The following FAM228B variants were observed in gnomAD, a reference collection of about 807,000 sequenced individuals.
FAM228B encodes the protein protein FAM228B.
FAM228B carries 38 observed loss-of-function variants against 42.6 expected under a neutral mutation model. That is an observed-to-expected ratio of 0.89 (90% CI 0.69 to 1.17). FAM228B has a LOEUF of 1.17. FAM228B is among the 50% of genes most tolerant of loss of function. FAM228B has a pLI of 0.00. For missense variants in FAM228B, 344 were observed against 367.3 expected (o/e 0.94, Z 0.52); for synonymous variants, 109 against 122.3 (o/e 0.89, Z 0.72).
At position 24,166,054 on chromosome 2, in the gene FAM228B, A is replaced by AAAAATATATATATATAT. The variant is rs56146407; in HGVS notation, c.933-1572_933-1571insAAATATATATATATATA. 3.4e-3 allele frequency: 276 copies of AAAAATATATATATATAT among 81,010 alleles called. 3 individuals are homozygous for AAAAATATATATATATAT. Among genetic ancestry groups the AAAAATATATATATATAT allele is most frequent in the Admixed American group, 8.7e-3 (49 of 5,626 alleles). The allele number at this position is 81,010 out of a possible 1,614,324, so 5.0% of individuals were successfully genotyped here. A position where few individuals can be genotyped will look rare whatever the true frequency, so the allele number is the denominator to read the frequency against. On this transcript the variant is annotated intron_variant, in intron 9 of 10. Coordinates refer to ENST00000615575, the MANE Select transcript of FAM228B (RefSeq NM_001145710.2). ...CAGAACTCTGTCTAAAAAAAAAAAAAATATATATATATATATATGTATGTA... is the reference window on the plus strand; with the variant it reads ...CAGAACTCTGTCTAAAAAAAAAAAAAAAAATATATATATATATATATATATATATATATATGTATGTA...
chr2:24,142,195 T>C (rs1173603839), intron 5 of FAM228B, among the ~76,000 whole-genome samples: 2 of 152,200 alleles, frequency 1.3e-5, no homozygotes, highest in Non-Finnish European at 2.9e-5. Flanking sequence ...CAAGTGGAGA[T>C]ATCCAACATT....
At chr2:24,122,478 T>C (rs772582098), upstream of FAM228B, 21 of 1,614,204 alleles carry the variant, frequency 1.3e-5, no homozygotes, top group Non-Finnish European at 1.7e-5. Context: ...AGGGCTGCAC[T>C]GTCCACATGC....
intron 3 of FAM228B, 128 bp downstream of exon 3, chr2:24,135,315 A>G: frequency 3.5e-6 from 2 of 574,562 alleles, no homozygotes; most frequent in Non-Finnish European, 6.0e-6. Flanking sequence ...ACTCCCTTGC[A>G]CCTGGAATTA....
intron 3 of FAM228B, among the ~76,000 whole-genome samples, chr2:24,099,369 A>G (rs1213456105): frequency 2.0e-5 from 3 of 152,228 alleles, no homozygotes; most frequent in African/African-American, 7.2e-5. Flanking sequence ...ATATTTAGAA[A>G]ACCCCATCGT....
intron 2 of FAM228B, among the ~76,000 whole-genome samples, chr2:24,134,260 T>C (rs1370524943): frequency 6.6e-6 from 1 of 152,212 alleles, no homozygotes; most frequent in Non-Finnish European, 1.5e-5. Context: ...GGTGAATTCA[T>C]TATGGAAGAA....
chr2:24,104,203 G>A (rs1011629960), intron 3 of FAM228B, among the ~76,000 whole-genome samples: 12 of 152,126 alleles, frequency 7.9e-5, no homozygotes, highest in African/African-American at 2.9e-4. Flanking sequence ...GAGCCCCCAG[G>A]GTGATTCATG....
At chr2:24,136,279 T>C (rs771848176) in intron 3 of FAM228B, among the ~76,000 whole-genome samples, 3 of 151,862 alleles carry the variant, frequency 2.0e-5, no homozygotes, top group Admixed American at 6.6e-5. Context: ...CAGGCTGGAG[T>C]GCAATGGTAT....
At chr2:24,164,623 G>T (rs1667360549) in intron 9 of FAM228B, among the ~76,000 whole-genome samples, 1 of 149,426 alleles carries the variant, frequency 6.7e-6, no homozygotes, top group Non-Finnish European at 1.5e-5. Context: ...CTGGTGGGTG[G>T]GCCACGCTGT....
chr2:24,115,907 CAAA>C (rs35038662), intron 3 of FAM228B, among the ~76,000 whole-genome samples: 15,490 of 117,076 alleles, frequency 0.13, 894 homozygotes, highest in South Asian at 0.2. Flanking sequence ...GGTTCCCATG[CAAA>C]AAAAAAAAAA....
rs1229513629 is a variant in FAM228B, at chr2:24,146,964, T to C, written c.564T>C (p.Val188=). 1 of 1,551,432 alleles carries C rather than the reference T, an allele frequency of 6.4e-7. No individual in the cohort carries two copies. The highest frequency in any genetic ancestry group is 1.2e-5 in the South Asian group (1 of 84,052). The part of the protein sequence containing the change: ...KIYSIKEFKE[V]EKVQLHSRFP... ...ATTCAATAAAGGAATTCAAAGAAGTTGAGAAGGTTCAGCTGCATTCCAGAT... is the reference window on the plus strand; with the variant it reads ...ATTCAATAAAGGAATTCAAAGAAGTCGAGAAGGTTCAGCTGCATTCCAGAT... The change falls in exon 7 of 11, where the codon GTT becomes GTC. Residue 188 remains valine (V), a synonymous_variant. Coordinates refer to ENST00000615575, the MANE Select transcript of FAM228B (RefSeq NM_001145710.2).
intron 7 of FAM228B, among the ~76,000 whole-genome samples, chr2:24,149,518 C>T (rs528484163): frequency 5.9e-5 from 9 of 152,190 alleles, no homozygotes; most frequent in Admixed American, 5.9e-4. Flanking sequence ...CAGTGGCCCC[C>T]ACCTCCCAGG....
intron 2 of FAM228B, among the ~76,000 whole-genome samples, chr2:24,087,960 C>T (rs1393417865): frequency 6.6e-6 from 1 of 152,018 alleles, no homozygotes; most frequent in East Asian, 1.9e-4. Flanking sequence ...CCAGGCTGGT[C>T]GCAAACTCCT....
intron 6 of FAM228B, 41 bp from the exon 7 acceptor site, chr2:24,146,889 G>A (rs1666907398): frequency 6.5e-7 from 1 of 1,539,470 alleles, no homozygotes; most frequent in Admixed American, 2.0e-5. Flanking sequence ...AATGGCAGAT[G>A]CATTTAAGGA....
chr2:24,078,047 A>G (rs1664835576), intron 1 of FAM228B, among the ~76,000 whole-genome samples: 1 of 152,228 alleles, frequency 6.6e-6, no homozygotes, highest in South Asian at 2.1e-4. Flanking sequence ...GTAGCAAGTC[A>G]TAAAGATTCC....
intron 7 of FAM228B, among the ~76,000 whole-genome samples, chr2:24,155,471 G>A (rs1212047653): frequency 5.8e-5 from 8 of 138,874 alleles, no homozygotes; most frequent in African/African-American, 1.9e-4. Flanking sequence ...TACACACTAA[G>A]CAAGTGTGTG....
chr2:24,089,040 G>A (rs1665327977), intron 2 of FAM228B, among the ~76,000 whole-genome samples: 1 of 152,192 alleles, frequency 6.6e-6, no homozygotes, highest in Non-Finnish European at 1.5e-5. Context: ...TAGTAGAAAT[G>A]TATCCAATTA....
chr2:24,121,587 CAG>C (rs1666120375), upstream of FAM228B, among the ~76,000 whole-genome samples: 1 of 152,124 alleles, frequency 6.6e-6, no homozygotes, highest in Admixed American at 6.5e-5. Flanking sequence ...GTGGTTGTGA[CAG>C]AGACTCTACG....
chr2:24,079,483 T>C (rs755436076), intron 1 of FAM228B: 1 of 1,614,186 alleles, frequency 6.2e-7, no homozygotes, highest in Non-Finnish European at 8.5e-7. Context: ...TGATCAGACT[T>C]CCTCGCTTAA....
chr2:24,103,693 G>A (rs1165631855), intron 3 of FAM228B, among the ~76,000 whole-genome samples: 6 of 152,192 alleles, frequency 3.9e-5, no homozygotes, highest in African/African-American at 1.4e-4. Flanking sequence ...CCGGCCAGGA[G>A]GTGAGCTGCC....
Sources: allele counts gnomAD v4.1 joint callset (sites outside exome capture counted in the v4.1 genomes callset), GRCh38; gene constraint gnomAD v4.1.1; transcripts MANE v1.5; gene names NCBI Gene and HGNC (gene_info 2026-07-23, HGNC 2026-07-21).